Variants in CYFIP1 observed in about 807,000 individuals in gnomAD.
The protein encoded by CYFIP1 is cytoplasmic FMR1-interacting protein 1.
A neutral mutation model predicts 163.5 loss-of-function variants in CYFIP1; 58 were observed. The ratio of observed to expected loss-of-function variants is 0.35; its 90% CI spans 0.29 to 0.44. The LOEUF (loss-of-function observed/expected upper bound fraction) is 0.44, where lower values mean the gene tolerates loss of function less well. Ranked by LOEUF, CYFIP1 falls within the 20% of genes least tolerant of loss-of-function variation. The probability of loss-of-function intolerance (pLI) is 1.00; values close to 1 mark genes in which losing one functional copy is unlikely to be tolerated. For missense variants in CYFIP1, 1,338 were observed against 1,653.8 expected (o/e 0.81, Z 3.31); for synonymous variants, 663 against 660.7 (o/e 1.00, Z -0.05).
intron 17 of CYFIP1, among the ~76,000 whole-genome samples, chr15:22,914,119 TACTTCCTTTCCCCACTTCATC>T (rs1274391473): frequency 6.6e-6 from 1 of 152,188 alleles, no homozygotes; most frequent in African/African-American, 2.4e-5. Flanking sequence ...GTTCAATCAA[TACTTCCTTTCCCCACTTCATC>T]TGGGTCAGAG....
rs575574244 is a variant in CYFIP1, at chr15:22,884,223, A to G, written c.2677-1212T>C. Among the ~76,000 whole-genome samples the G allele has an allele frequency of 5.9e-5, 9 of 152,306 alleles. No homozygotes were observed. The East Asian group carries it at 1.7e-3, about 29-fold the overall frequency. On this transcript the variant is annotated intron_variant, in intron 23 of 30. Transcript: ENST00000617928. The stretch of plus-strand genomic sequence containing the variant: ...CCCCAAAGTCTTAACTCATTCCAGC[A>G]TTAATTCAAAAGTCCAAGTCCAAAG...
Position 22,933,817 on chromosome 15 carries a change from T to G in CYFIP1, c.977A>C (p.Glu326Ala). 1 of 1,613,092 alleles carries G rather than the reference T, an allele frequency of 6.2e-7. No individual in the cohort carries two copies. Among genetic ancestry groups the G allele is most frequent in the Non-Finnish European group, 8.5e-7 (1 of 1,179,588 alleles). Residue 326 changes from glutamate (E) to alanine (A), a missense_variant, in exon 10 of 31, where the codon GAG (glutamate) becomes GCG (alanine). Coordinates refer to ENST00000617928, the MANE Select transcript of CYFIP1 (RefSeq NM_014608.6). ...ARYIKTSAHY[E>A]ENKSRWTCTS... ...CTCCTCCTACCGAGATTTATTTTCC[T>G]CGTAGTGGGCGCTGGTCTTGATATA...
intron 1 of CYFIP1, among the ~76,000 whole-genome samples, chr15:22,962,156 G>A (rs533871939): frequency 6.6e-6 from 1 of 152,226 alleles, no homozygotes; most frequent in African/African-American, 2.4e-5. Context: ...AAAAATTTCA[G>A]CAAACTGATT....
intron 1 of CYFIP1, among the ~76,000 whole-genome samples, chr15:22,961,113 C>G (rs1476973101): frequency 6.6e-6 from 1 of 152,054 alleles, no homozygotes; most frequent in Non-Finnish European, 1.5e-5. Context: ...CCTCCGCCTC[C>G]TGTCTTCAAG....
intron 1 of CYFIP1, 117 bp downstream of exon 1, chr15:22,980,170 G>T (rs1354374024): frequency 7.2e-6 from 1 of 138,982 alleles, no homozygotes; most frequent in African/African-American, 2.6e-5. Context: ...CGCCGGGGTT[G>T]GGGGGGAGGG....
chr15:22,891,631 G>T (rs762427892), intron 23 of CYFIP1, among the ~76,000 whole-genome samples: 6 of 152,192 alleles, frequency 3.9e-5, no homozygotes, highest in African/African-American at 7.2e-5. Flanking sequence ...CTTTTCAGGG[G>T]CGGGAGAGAC....
At chr15:22,873,432 C>A in intron 29 of CYFIP1, 59 bp downstream of exon 29, 1 of 1,419,816 alleles carries the variant, frequency 7.0e-7, no homozygotes, top group South Asian at 1.2e-5. Context: ...ACACGCCTCC[C>A]CTCCCCCACA....
intron 9 of CYFIP1, among the ~76,000 whole-genome samples, chr15:22,935,053 A>G (rs1337747052): frequency 6.6e-6 from 1 of 152,170 alleles, no homozygotes; most frequent in Non-Finnish European, 1.5e-5. Context: ...CCCAGTCAAT[A>G]TTCCAGAAGA....
intron 23 of CYFIP1, among the ~76,000 whole-genome samples, chr15:22,888,354 T>C (rs1047623906): frequency 3.3e-5 from 5 of 152,170 alleles, no homozygotes; most frequent in Non-Finnish European, 5.9e-5. Flanking sequence ...TCAGACATCA[T>C]CTCTTTTAGT....
intron 6 of CYFIP1, 84 bp downstream of exon 6, chr15:22,943,087 CAA>C (rs979881330): frequency 2.1e-5 from 28 of 1,351,138 alleles, no homozygotes; most frequent in Non-Finnish European, 2.8e-5. Flanking sequence ...CTTCAGCAAA[CAA>C]AGACGCACAC....
In CYFIP1 at chr15:22,880,036, C is replaced by A; in HGVS notation, c.2919G>T (p.Leu973=). ...CCTTCAGCTGGTGGTGGAAGAACTC[C>A]AGGATACCTACGGTGGCGGGAGTGA... ...PRHEYGSPGI[L]EFFHHQLKDI... is the part of the protein sequence containing the mutation. The change falls in exon 26 of 31, where the codon CTG becomes CTT. Residue 973 remains leucine, a synonymous_variant. Transcript: ENST00000617928. 6.2e-7 allele frequency: 1 copy of A among 1,613,790 alleles called. No homozygotes were observed.
Position 22,972,323 on chromosome 15 carries a change from G to T in CYFIP1, c.-7+7964C>A, listed in dbSNP as rs2063128964. On this transcript the variant is annotated intron_variant, in intron 1 of 30. Transcript: ENST00000617928. ...TGGTGGCGCACGCCTGTAATCCCCA[G>T]CTACTCAGGAGGCTGAGGCAGGAGA... 2.0e-5 allele frequency among the ~76,000 whole-genome samples: 3 copies of T among 152,194 alleles called. No individual in the cohort carries two copies. The South Asian group carries it at 6.2e-4, about 31-fold the overall frequency.
chr15:22,875,992 T>C (rs551402849), intron 26 of CYFIP1, among the ~76,000 whole-genome samples: 1 of 149,130 alleles, frequency 6.7e-6, no homozygotes, highest in African/African-American at 2.5e-5. Context: ...CTGCTGTTCA[T>C]CTTTAGAGGT....
chr15:22,952,659 CAAAA>C (rs3083512), intron 1 of CYFIP1, among the ~76,000 whole-genome samples: 1 of 45,678 alleles, frequency 2.2e-5, no homozygotes, highest in South Asian at 1.1e-3. Context: ...GACTCCATCT[CAAAA>C]AAAAAAAAAA....
chr15:22,881,538 C>CT (rs1384259734), intron 25 of CYFIP1, among the ~76,000 whole-genome samples: 1 of 151,992 alleles, frequency 6.6e-6, no homozygotes, highest in Non-Finnish European at 1.5e-5. Context: ...CCTCAAGTCC[C>CT]TATAGGCCCA....
At chr15:22,959,078 G>T (rs1289240887) in intron 1 of CYFIP1, among the ~76,000 whole-genome samples, 1 of 152,112 alleles carries the variant, frequency 6.6e-6, no homozygotes, top group African/African-American at 2.4e-5. Context: ...CTCAGCCCAG[G>T]GCTGGGCTAC....
Position 22,912,218 on chromosome 15 carries a change from C to G in CYFIP1, c.2043G>C (p.Arg681Ser). The G allele has an allele frequency of 6.2e-7, 1 of 1,614,134 alleles. No homozygotes were observed. The highest frequency in any genetic ancestry group is 1.6e-4 in the Middle Eastern group (1 of 6,062). Residue 681 changes from arginine to serine, a missense_variant, in exon 18 of 31, where the codon AGG (arginine) becomes AGC (serine). Physicochemically the swap from Arg to Ser is moderately radical, Grantham distance 110 (BLOSUM62 -1). This residue lies in a region of CYFIP1 where 824 missense variants were observed against 995.7 expected (regional missense o/e 0.83). Coordinates refer to ENST00000617928, the MANE Select transcript of CYFIP1 (RefSeq NM_014608.6). Reference sequence around the variant, plus strand: ...CGTCGTACAGGAACTGCTTGTTGAACCTGGTGAGCGCGTAGTGGGCGCTGT... The same window carrying G: ...CGTCGTACAGGAACTGCTTGTTGAAGCTGGTGAGCGCGTAGTGGGCGCTGT... Reference protein sequence around the residue: ...YNDSAHYALTRFNKQFLYDEI... With the variant: ...YNDSAHYALTSFNKQFLYDEI...
At chr15:22,898,337 A>C (rs958284101) in intron 22 of CYFIP1, among the ~76,000 whole-genome samples, 7 of 152,202 alleles carry the variant, frequency 4.6e-5, no homozygotes, top group Non-Finnish European at 1.0e-4. Flanking sequence ...AGCTCACTGC[A>C]ACCTCCATGT....
At chr15:22,906,267 C>T (rs9744776) in intron 21 of CYFIP1, among the ~76,000 whole-genome samples, 28,654 of 151,072 alleles carry the variant, frequency 0.19, 2,902 homozygotes, top group African/African-American at 0.26. Context: ...CCACCACGCC[C>T]GGCTAATTTT....
Sources: allele counts gnomAD v4.1 joint callset (sites outside exome capture counted in the v4.1 genomes callset), GRCh38; gene constraint gnomAD v4.1.1; regional missense constraint gnomAD v4.1.1; transcripts MANE v1.5; gene names NCBI Gene and HGNC (gene_info 2026-07-23, HGNC 2026-07-21).